Variants in GALNT13 observed in about 807,000 individuals in gnomAD.
GALNT13 encodes polypeptide N-acetylgalactosaminyltransferase 13.
Under a neutral mutation model 64.2 loss-of-function variants are expected in GALNT13, and 28 were observed. The ratio of observed to expected loss-of-function variants is 0.44; its 90% CI spans 0.32 to 0.60. GALNT13 has a LOEUF of 0.60. GALNT13 is among the 20% of genes least tolerant of loss of function. The pLI, the probability that GALNT13 is intolerant of heterozygous loss-of-function variation, is 0.05. For missense variants in GALNT13, 577 were observed against 669.8 expected, an observed-to-expected ratio of 0.86 and a Z score of 1.53; for synonymous variants, 214 against 224.6, an observed-to-expected ratio of 0.95 and a Z score of 0.42.
the GALNT13 span, among the ~76,000 whole-genome samples, chr2:153,637,174 A>G: frequency 1.3e-5 from 2 of 152,158 alleles, no homozygotes; most frequent in East Asian, 1.9e-4. Context: ...CTGGTCATAT[A>G]CCAAATTGCT....
chr2:153,279,024 G>A, the GALNT13 span, among the ~76,000 whole-genome samples: 1 of 152,092 alleles, frequency 6.6e-6, no homozygotes, highest in Non-Finnish European at 1.5e-5. Flanking sequence ...AGTCATTTAT[G>A]ATTTCTTTCA....
the GALNT13 span, among the ~76,000 whole-genome samples, chr2:153,370,133 TTCAC>T: frequency 4.6e-5 from 7 of 152,134 alleles, no homozygotes; most frequent in African/African-American, 1.7e-4. Flanking sequence ...ACTACCAAAA[TTCAC>T]TCAAGAAGGA....
chr2:153,853,326 GA>G, the GALNT13 span, among the ~76,000 whole-genome samples: 1 of 152,112 alleles, frequency 6.6e-6, no homozygotes, highest in Admixed American at 6.5e-5. Context: ...GACACACCCA[GA>G]AACAATACTT....
chr2:153,996,341 T>C (rs1299408052), intron 3 of GALNT13, among the ~76,000 whole-genome samples: 1 of 152,162 alleles, frequency 6.6e-6, no homozygotes, highest in East Asian at 1.9e-4. Context: ...CAACATTTGT[T>C]ATCTTTTGTA....
At chr2:153,231,329 C>T in the GALNT13 span, among the ~76,000 whole-genome samples, 2 of 152,298 alleles carry the variant, frequency 1.3e-5, no homozygotes, top group African/African-American at 2.4e-5. Context: ...TTCTTGGTTT[C>T]TCACATTTAT....
the GALNT13 span, among the ~76,000 whole-genome samples, chr2:153,698,878 A>C: frequency 6.6e-6 from 1 of 152,216 alleles, no homozygotes; most frequent in Non-Finnish European, 1.5e-5. Context: ...TGAAATCATA[A>C]CAAAAAGTCT....
At chr2:153,649,724 C>G in the GALNT13 span, among the ~76,000 whole-genome samples, 1 of 152,010 alleles carries the variant, frequency 6.6e-6, no homozygotes, top group Non-Finnish European at 1.5e-5. Flanking sequence ...CATTATGTAC[C>G]CAGTAGTCAT....
Position 154,226,880 on chromosome 2 carries a change from A to G in GALNT13, c.312-15150A>G, listed in dbSNP as rs762689227. ...ATTAAATACCATTTATATTGATTTT[A>G]TATTTATTGGCATTAGTATATAGTG... On this transcript the variant is annotated intron_variant, in intron 4 of 12. Coordinates refer to ENST00000392825, the MANE Select transcript of GALNT13 (RefSeq NM_052917.4). Among the ~76,000 whole-genome samples, 60 of 152,252 alleles carry G rather than the reference A, an allele frequency of 3.9e-4. 1 individual carries two copies. The highest frequency in any genetic ancestry group is 1.1e-3 in the African/African-American group (45 of 41,566).
At chr2:154,027,914 T>C (rs1349175892) in intron 3 of GALNT13, among the ~76,000 whole-genome samples, 1 of 152,168 alleles carries the variant, frequency 6.6e-6, no homozygotes, top group Non-Finnish European at 1.5e-5. Flanking sequence ...TTATTACATA[T>C]TGCACATCAA....
At chr2:153,964,791 G>A (rs6731341) in intron 3 of GALNT13, among the ~76,000 whole-genome samples, 30,454 of 151,598 alleles carry the variant, frequency 0.2, 3,968 homozygotes, top group Middle Eastern at 0.33. Flanking sequence ...CCACCTAGAT[G>A]TTGCCCTCAC....
the GALNT13 span, among the ~76,000 whole-genome samples, chr2:153,513,341 A>G: frequency 6.6e-6 from 1 of 152,130 alleles, no homozygotes; most frequent in South Asian, 2.1e-4. Flanking sequence ...AGAGAAGTTG[A>G]TTTTCCACAA....
At chr2:153,539,162 ATG>A in the GALNT13 span, among the ~76,000 whole-genome samples, 2 of 150,428 alleles carry the variant, frequency 1.3e-5, no homozygotes, top group Non-Finnish European at 2.9e-5. Flanking sequence ...GCATTTTTCC[ATG>A]TGTTTTTTGG....
At chr2:153,511,471 T>C in the GALNT13 span, among the ~76,000 whole-genome samples, 1 of 152,208 alleles carries the variant, frequency 6.6e-6, no homozygotes, top group Non-Finnish European at 1.5e-5. Flanking sequence ...TTTTTGTATT[T>C]CTTTTATCTC....
At chr2:154,026,830 G>A (rs1187621131) in intron 3 of GALNT13, among the ~76,000 whole-genome samples, 1 of 152,144 alleles carries the variant, frequency 6.6e-6, no homozygotes, top group East Asian at 1.9e-4. Context: ...CATCAGTCTT[G>A]AACTTAGTGA....
chr2:153,508,278 G>A, the GALNT13 span, among the ~76,000 whole-genome samples: 1 of 152,156 alleles, frequency 6.6e-6, no homozygotes, highest in African/African-American at 2.4e-5. Context: ...GCTCCCAAGA[G>A]ATTATGTCCT....
intron 8 of GALNT13, among the ~76,000 whole-genome samples, chr2:154,262,590 T>G (rs961200208): frequency 2.0e-5 from 3 of 152,196 alleles, no homozygotes; most frequent in African/African-American, 7.2e-5. Flanking sequence ...CTAACAGCAC[T>G]GTCTAAACAT....
chr2:154,412,474 C>G (rs936434582), intron 11 of GALNT13, among the ~76,000 whole-genome samples: 1 of 151,740 alleles, frequency 6.6e-6, no homozygotes, highest in Non-Finnish European at 1.5e-5. Context: ...TCAAGCTTCT[C>G]TCTCTTGCTT....
At chr2:153,902,916 C>T (rs1192652675) in intron 2 of GALNT13, among the ~76,000 whole-genome samples, 4 of 151,942 alleles carry the variant, frequency 2.6e-5, no homozygotes, top group African/African-American at 9.7e-5. Flanking sequence ...TGCAGTTTAC[C>T]AGTGTACCAT....
At chr2:153,431,114 C>A in the GALNT13 span, among the ~76,000 whole-genome samples, 1 of 148,594 alleles carries the variant, frequency 6.7e-6, no homozygotes, top group Non-Finnish European at 1.5e-5. Flanking sequence ...TGTGCCACTG[C>A]ACTCTAGCCT....
Sources: gnomAD v4.1 joint callset for allele counts (sites outside exome capture counted in the v4.1 genomes callset) on GRCh38, gnomAD v4.1.1 for gene constraint, MANE v1.5 for transcripts, NCBI Gene and HGNC (gene_info 2026-07-23, HGNC 2026-07-21) for gene names.